MUC5B: variants seen among roughly 807,000 people sequenced by gnomAD.
MUC5B encodes the protein mucin 5B, oligomeric mucus/gel-forming.
A neutral mutation model predicts 376.9 loss-of-function variants in MUC5B; 116 were observed. That is an observed-to-expected ratio of 0.31 (90% CI 0.26 to 0.36). MUC5B has a LOEUF of 0.36. Among genes scored for constraint, MUC5B ranks in the 10% least tolerant of loss-of-function variants. MUC5B has a pLI of 1.00. For missense variants in MUC5B, 7,165 were observed against 7,769.9 expected, an observed-to-expected ratio of 0.92 and a Z score of 2.93; for synonymous variants, 3,517 against 3,390.9, an observed-to-expected ratio of 1.04 and a Z score of -1.29.
At chr11:1,235,514 C>A in intron 23 of MUC5B, 101 bp downstream of exon 23, 1 of 1,018,304 alleles carries the variant, frequency 9.8e-7, no homozygotes, top group Non-Finnish European at 1.5e-6. Context: ...AGGTTCTCAG[C>A]AGTGTCCTGG....
At chr11:1,227,222 TGGGCTTGGGGTCACG>T (rs1861909326) in intron 5 of MUC5B, 71 bp from the exon 6 acceptor site, 11 of 1,573,920 alleles carry the variant, frequency 7.0e-6, no homozygotes, top group Admixed American at 1.7e-5. Flanking sequence ...GATGCCTCCC[TGGGCTTGGGGTCACG>T]GGGCTTGGGG....
chr11:1,258,222 G>T lies in MUC5B; in HGVS notation c.16555+19G>T. The T allele has an allele frequency of 6.4e-7, 1 of 1,573,588 alleles. No individual in the cohort carries two copies. Among genetic ancestry groups the T allele is most frequent in the East Asian group, 2.3e-5 (1 of 42,856 alleles). On this transcript the variant is annotated intron_variant, in intron 42 of 48. Transcript: ENST00000529681. The surrounding 1 kb of genome is among the most constrained non-coding windows in gnomAD (Gnocchi z 5.5). ...CGCTGCAGTGAGCGGGGCTGGGGCC[G>T]GGCTCCTGGGTGGCCTCTTGCTGGG...
Position 1,239,925 on chromosome 11 carries a change from C to T in MUC5B, c.3710C>T (p.Ala1237Val), listed in dbSNP as rs762610510. 1.4e-5 allele frequency: 22 copies of T among 1,613,072 alleles called. No homozygotes were observed. The highest frequency in any genetic ancestry group is 3.3e-4 in the Middle Eastern group (2 of 6,078). The change falls in exon 28 of 49, where the codon GCG becomes GTG. Residue 1237 changes from alanine (A) to valine (V), a missense_variant. By Grantham distance (64) the Ala-to-Val change is moderately conservative. This residue lies in a region of MUC5B where 517 missense variants were observed against 545.3 expected (regional missense o/e 0.95). Coordinates refer to ENST00000529681, the MANE Select transcript of MUC5B (RefSeq NM_002458.3). ...GACGTCGGTGCAAGGGTCCCCACAG[C>T]GGAGAACTGCCAGAGCTGGTGAGGG... is the stretch of plus-strand genomic sequence containing the variant. ...YYDVGARVPT[A>V]ENCQSCNCTP...
Position 1,245,821 on chromosome 11 carries a change from G to T in MUC5B, c.8941G>T (p.Ala2981Ser), listed in dbSNP as rs1333334117. 6.2e-7 allele frequency: 1 copy of T among 1,613,234 alleles called. No individual in the cohort carries two copies. Among genetic ancestry groups the T allele is most frequent in the African/African-American group, 1.3e-5 (1 of 74,586 alleles). ...CAGCACCCCGGCCACCAGCTCTACG[G>T]CCACGCCCTCCTCCACTCCAGGGAC... ...CPSTPATSST[A>S]TPSSTPGTTW... The change falls in exon 31 of 49, where the codon GCC (alanine) becomes TCC (serine). Residue 2981 changes from alanine to serine, a missense_variant. Ala to Ser is a moderately conservative substitution (Grantham distance 99). Around this residue, in one of 31 missense-constraint regions of MUC5B, gnomAD observed 939 missense variants for 770.6 expected, o/e 1.22. Coordinates refer to ENST00000529681, the MANE Select transcript of MUC5B (RefSeq NM_002458.3).
At position 1,258,392 on chromosome 11, in the gene MUC5B, G is replaced by A. The variant is rs1405550924; in HGVS notation, c.16593+25G>A. ...GGTAAGGGCACAGCAGTGGGTGGGT[G>A]TGGCCCTGGGGCCTGAACATGTGTG... On this transcript the variant is annotated intron_variant, in intron 43 of 48. Coordinates refer to ENST00000529681, the MANE Select transcript of MUC5B (RefSeq NM_002458.3). The surrounding 1 kb of genome is among the most constrained non-coding windows in gnomAD (Gnocchi z 5.5). The A allele has an allele frequency of 1.2e-6, 2 of 1,610,712 alleles. No individual in the cohort carries two copies. Among genetic ancestry groups the A allele is most frequent in the East Asian group, 2.2e-5 (1 of 44,870 alleles).
At chr11:1,240,117 C>G (rs375493353) in intron 29 of MUC5B, 29 bp downstream of exon 29, 1 of 1,562,020 alleles carries the variant, frequency 6.4e-7, no homozygotes, top group Non-Finnish European at 8.7e-7. Flanking sequence ...GTTAGTGGGC[C>G]GGTGAAGGCT....
chr11:1,242,924 A>G lies in MUC5B; in HGVS notation c.6044A>G (p.Glu2015Gly), dbSNP rs764585272. The G allele has an allele frequency of 1.2e-6, 2 of 1,611,922 alleles. No homozygotes were observed. The highest frequency in any genetic ancestry group is 8.5e-7 in the Non-Finnish European group (1 of 1,179,056). The change falls in exon 31 of 49, where the codon GAG (glutamate) becomes GGG (glycine). Residue 2015 changes from glutamate (E) to glycine (G), a missense_variant. Transcript: ENST00000529681. ...ACAGCCACACCCTCCTCCACTCCAG[A>G]GACTGCCCACACCTCCACAGTGCTT... ...MSTATPSSTP[E>G]TAHTSTVLTA...
Position 1,234,659 on chromosome 11 carries a change from T to G in MUC5B, c.2609T>G (p.Ile870Ser). Residue 870 changes from isoleucine (I) to serine (S), a missense_variant, in exon 21 of 49, where the codon ATC (isoleucine) becomes AGC (serine). Ile to Ser is a moderately radical substitution (Grantham distance 142). Around this residue, in one of 31 missense-constraint regions of MUC5B, gnomAD observed 530 missense variants for 604.0 expected, o/e 0.88. Coordinates refer to ENST00000529681, the MANE Select transcript of MUC5B (RefSeq NM_002458.3). The surrounding 1 kb of genome is among the most constrained non-coding windows in gnomAD (Gnocchi z 6.3). The part of the protein sequence containing the change: ...NEATYKPGET[I>S]RVDCNTCTCR... ...GCCACCTACAAGCCTGGAGAGACCA[T>G]CAGGGTCGACTGCAACACCTGGTGG... 6.5e-7 allele frequency: 1 copy of G among 1,541,178 alleles called. No homozygotes were observed. The highest frequency in any genetic ancestry group is 1.4e-5 in the African/African-American group (1 of 71,246).
Position 1,238,940 on chromosome 11 carries a change from G to C in MUC5B, c.3367G>C (p.Glu1123Gln). Residue 1123 changes from glutamate to glutamine, a missense_variant, in exon 26 of 49, where the codon GAG becomes CAG. Glu to Gln is a conservative substitution (Grantham distance 29). Transcript: ENST00000529681. ...ACACDSGGDCECFCTAVAAYA... is the reference protein window; with the variant it reads ...ACACDSGGDCQCFCTAVAAYA... ...TGCCTGCGACTCGGGTGGCGACTGC[G>C]AGTGTTTCTGCACGGCTGTGGCTGC... The C allele has an allele frequency of 6.3e-7, 1 of 1,576,062 alleles. No homozygotes were observed. Among genetic ancestry groups the C allele is most frequent in the Non-Finnish European group, 8.6e-7 (1 of 1,161,138 alleles).
In MUC5B at chr11:1,236,424, G is replaced by A. The variant is rs149615067; in HGVS notation, c.2919G>A (p.Ala973=). 896 of 1,612,462 alleles carry A rather than the reference G, an allele frequency of 5.6e-4. 7 individuals carry two copies. The African/African-American group carries it at 0.011, about 19-fold the overall frequency. ...ELILQEGTFK[A]VARGPGGDPP... ...TCCTCCAAGAGGGGACCTTTAAGGC[G>A]GTGGCGAGAGGGCCGGGTGGGGACC... Residue 973 remains alanine (A), a synonymous_variant, in exon 24 of 49, where the codon GCG becomes GCA. Coordinates refer to ENST00000529681, the MANE Select transcript of MUC5B (RefSeq NM_002458.3).
intron 18 of MUC5B, 80 bp downstream of exon 18, chr11:1,233,348 C>A: frequency 1.4e-6 from 2 of 1,407,998 alleles, no homozygotes; most frequent in Non-Finnish European, 1.9e-6. Flanking sequence ...TTCTGTGCCT[C>A]CCCCCGAGGG....
chr11:1,231,660 C>T (rs1862032213), intron 14 of MUC5B, 100 bp downstream of exon 14: 9 of 1,356,834 alleles, frequency 6.6e-6, no homozygotes, highest in South Asian at 2.9e-5. Context: ...GGCAGGGGAC[C>T]GGGGAGGGGG....
chr11:1,233,880 C>A, intron 19 of MUC5B, 32 bp downstream of exon 19: 1 of 1,557,616 alleles, frequency 6.4e-7, no homozygotes, highest in Non-Finnish European at 8.7e-7. Context: ...CCCTGCCCTG[C>A]CCCGCCCCGC....
Position 1,243,554 on chromosome 11 carries a change from C to T in MUC5B, c.6674C>T (p.Thr2225Ile), listed in dbSNP as rs750514636. Residue 2225 changes from threonine to isoleucine, a missense_variant, in exon 31 of 49, where the codon ACC becomes ATC. Transcript: ENST00000529681. ...TSATSGILGT[T>I]HITEPSTVTS... is the part of the protein sequence containing the mutation. Reference sequence around the variant, plus strand: ...GCCACCTCGGGCATCTTGGGCACCACCCACATCACAGAGCCTTCCACGGTG... The same window carrying T: ...GCCACCTCGGGCATCTTGGGCACCATCCACATCACAGAGCCTTCCACGGTG... The T allele has an allele frequency of 3.1e-6, 5 of 1,607,954 alleles. No homozygotes were observed. The South Asian group carries it at 3.3e-5, about 11-fold the overall frequency.
intron 18 of MUC5B, 34 bp from the exon 19 acceptor site, chr11:1,233,759 C>T (rs777590219): frequency 6.9e-6 from 11 of 1,583,882 alleles, no homozygotes; most frequent in East Asian, 2.3e-5. Context: ...GGGTGAGGGC[C>T]GCAGATCCAG....
At position 1,257,111 on chromosome 11, in the gene MUC5B, C is replaced by A; in HGVS notation, c.16238-129C>A. ...TGAGCTCCAGCCACATCTGACACCC[C>A]AAAAGTTCTCCAGGGCCTTCCATCC... On this transcript the variant is annotated intron_variant, in intron 39 of 48. Coordinates refer to ENST00000529681, the MANE Select transcript of MUC5B (RefSeq NM_002458.3). This position sits in a 1 kb window ranked among gnomAD's most constrained non-coding sequence, Gnocchi z 8.9. 1 of 702,316 alleles carries A rather than the reference C, an allele frequency of 1.4e-6. No individual in the cohort carries two copies. The highest frequency in any genetic ancestry group is 2.6e-5 in the East Asian group (1 of 38,116). The allele number at this position is 702,316 out of a possible 1,614,324, so 43.5% of individuals were successfully genotyped here.
In MUC5B at chr11:1,242,536, C is replaced by G. The variant is rs1444856892; in HGVS notation, c.5656C>G (p.Pro1886Ala). Residue 1886 changes from proline (P) to alanine (A), a missense_variant, in exon 31 of 49, where the codon CCC becomes GCC. Coordinates refer to ENST00000529681, the MANE Select transcript of MUC5B (RefSeq NM_002458.3). The part of the protein sequence containing the change: ...VLCCDDYSHC[P>A]STPATSSTAT... Reference sequence around the variant, plus strand: ...TTGCTGTGACGACTACAGCCACTGCCCCAGTACCCCAGCCACCAGCTCCAC... The same window carrying G: ...TTGCTGTGACGACTACAGCCACTGCGCCAGTACCCCAGCCACCAGCTCCAC... The G allele has an allele frequency of 1.2e-6, 2 of 1,613,698 alleles. No homozygotes were observed. The highest frequency in any genetic ancestry group is 2.7e-5 in the African/African-American group (2 of 74,844).
intron 24 of MUC5B, 102 bp downstream of exon 24, chr11:1,236,664 C>A: frequency 1.5e-6 from 2 of 1,293,818 alleles, no homozygotes; most frequent in Non-Finnish European, 2.1e-6. Context: ...CCCGTGGGTG[C>A]GTGAGCCTGG....
intron 31 of MUC5B, 74 bp from the exon 32 acceptor site, chr11:1,252,269 C>A: frequency 7.0e-7 from 1 of 1,432,542 alleles, no homozygotes; most frequent in Non-Finnish European, 9.4e-7. Context: ...CTGACCTCTG[C>A]CTTTGCTCTC....
Sources: allele counts gnomAD v4.1 joint callset, GRCh38; gene constraint gnomAD v4.1.1; regional missense constraint gnomAD v4.1.1; non-coding constraint Gnocchi (gnomAD v3.1); transcripts MANE v1.5; gene names NCBI Gene and HGNC (gene_info 2026-07-23, HGNC 2026-07-21).